Variants in WNK2 observed in about 807,000 individuals in gnomAD.
WNK2 encodes the protein serine/threonine-protein kinase WNK2.
A neutral mutation model predicts 192.1 loss-of-function variants in WNK2; 67 were observed. That is an observed-to-expected ratio of 0.35 (90% confidence interval 0.29 to 0.43). The LOEUF (loss-of-function observed/expected upper bound fraction) is 0.43. Among genes scored for constraint, WNK2 ranks in the 20% least tolerant of loss-of-function variants. The probability of loss-of-function intolerance (pLI) is 1.00; values close to 1 mark genes in which losing one functional copy is unlikely to be tolerated. For synonymous variants in WNK2, 1,439 were observed against 1,393.9 expected (o/e 1.03, Z -0.72); for missense variants, 2,698 against 3,089.7 (o/e 0.87, Z 3.01).
At chr9:93,274,625 C>G (rs1269448589) in intron 19 of WNK2, among the ~76,000 whole-genome samples, 3 of 151,580 alleles carry the variant, frequency 2.0e-5, no homozygotes, top group Non-Finnish European at 1.5e-5. Context: ...CTGCAATAGT[C>G]TGAACAAGCT....
In WNK2 at chr9:93,195,859, G is replaced by A. The variant is rs114225665; in HGVS notation, c.681+10249G>A. ...ATACAGCTGCAGTTCAGGGTGTCAC[G>A]ACTTCTAGAATCTGTCTCTGGAGTG... On this transcript the variant is annotated intron_variant, in intron 2 of 29. Coordinates refer to ENST00000427277, the MANE Select transcript of WNK2 (RefSeq NM_006648.4). Among the ~76,000 whole-genome samples the A allele has an allele frequency of 7.4e-3, 1,132 of 152,162 alleles. 16 individuals carry two copies. The highest frequency in any genetic ancestry group is 0.025 in the African/African-American group (1,041 of 41,496).
intron 29 of WNK2, chr9:93,318,630 C>G: frequency 6.3e-7 from 1 of 1,582,772 alleles, no homozygotes; most frequent in Non-Finnish European, 8.6e-7. Flanking sequence ...GCAGCTCCTC[C>G]AGCTGGAGAG....
intron 28 of WNK2, chr9:93,316,375 G>A (rs1362050143): frequency 6.6e-6 from 1 of 152,154 alleles, no homozygotes; most frequent in African/African-American, 2.4e-5. Context: ...ATCTGGGTGA[G>A]GTTTGACATA....
chr9:93,282,060 A>G (rs894854141), intron 19 of WNK2, among the ~76,000 whole-genome samples: 1 of 152,228 alleles, frequency 6.6e-6, no homozygotes, highest in African/African-American at 2.4e-5. Context: ...TTATAAATGT[A>G]TGAGTAGATC....
intron 6 of WNK2, 94 bp downstream of exon 6, chr9:93,238,415 C>A: frequency 1.6e-6 from 2 of 1,240,226 alleles, no homozygotes; most frequent in Non-Finnish European, 2.3e-6. Context: ...GAGGGGACTT[C>A]AAGACAGGCA....
At chr9:93,200,118 G>T (rs574820914) in intron 2 of WNK2, among the ~76,000 whole-genome samples, 1 of 152,084 alleles carries the variant, frequency 6.6e-6, no homozygotes, top group African/African-American at 2.4e-5. Context: ...TGCACACCAT[G>T]GGGGGTTGCA....
intron 19 of WNK2, among the ~76,000 whole-genome samples, chr9:93,278,540 C>T (rs2133509219): frequency 6.6e-6 from 1 of 152,342 alleles, no homozygotes; most frequent in Middle Eastern, 3.4e-3. Flanking sequence ...AAGTGCTTCT[C>T]TTACCTCACC....
intron 19 of WNK2, among the ~76,000 whole-genome samples, chr9:93,276,386 C>T (rs1846881693): frequency 6.6e-6 from 1 of 152,164 alleles, no homozygotes; most frequent in Admixed American, 6.5e-5. Flanking sequence ...CATCCTTATG[C>T]AGAAAAATGA....
chr9:93,307,343 G>C (rs2134243022), intron 27 of WNK2: 1 of 153,410 alleles, frequency 6.5e-6, no homozygotes, highest in East Asian at 1.9e-4. Context: ...TTAATTGTCT[G>C]TGTCTGTGCT....
At chr9:93,296,634 T>TC in intron 23 of WNK2, among the ~76,000 whole-genome samples, 1 of 53,328 alleles carries the variant, frequency 1.9e-5, no homozygotes, top group Non-Finnish European at 3.6e-5. Context: ...CTTCCTTCCC[T>TC]TCCATCCTCC....
chr9:93,240,235 G>A (rs977400438), intron 7 of WNK2, among the ~76,000 whole-genome samples: 1 of 152,236 alleles, frequency 6.6e-6, no homozygotes, highest in Non-Finnish European at 1.5e-5. Context: ...CTCCGAGCCA[G>A]TGCAGTGCGG....
chr9:93,298,103 G>T, intron 24 of WNK2, 36 bp downstream of exon 24: 1 of 1,543,742 alleles, frequency 6.5e-7, no homozygotes, highest in South Asian at 1.2e-5. Context: ...ATGGGAGCGG[G>T]GCTGGGGACC....
At chr9:93,238,067 C>G (rs561999965) in intron 5 of WNK2, among the ~76,000 whole-genome samples, 166 bp from the exon 6 acceptor site, 1 of 152,280 alleles carries the variant, frequency 6.6e-6, no homozygotes, top group South Asian at 2.1e-4. Flanking sequence ...TGGCTCTGCC[C>G]TGTCATCCGT....
intron 19 of WNK2, among the ~76,000 whole-genome samples, chr9:93,280,458 A>C (rs772869979): frequency 6.6e-6 from 1 of 152,220 alleles, no homozygotes; most frequent in Non-Finnish European, 1.5e-5. Context: ...ATTTCTTTAA[A>C]AAGTAAATGT....
chr9:93,245,281 G>T (rs2132434588), intron 7 of WNK2, among the ~76,000 whole-genome samples: 1 of 152,272 alleles, frequency 6.6e-6, no homozygotes, highest in East Asian at 1.9e-4. Context: ...GCACTTTCTT[G>T]CATCCGGAAA....
intron 7 of WNK2, among the ~76,000 whole-genome samples, chr9:93,244,986 G>A (rs1451968725): frequency 1.3e-5 from 2 of 152,106 alleles, no homozygotes; most frequent in East Asian, 3.9e-4. Flanking sequence ...CCCACTGACT[G>A]AGCCGTAAGC....
chr9:93,297,663 G>A (rs1034298886), intron 23 of WNK2, among the ~76,000 whole-genome samples, 190 bp from the exon 24 acceptor site: 2 of 152,216 alleles, frequency 1.3e-5, no homozygotes, highest in South Asian at 2.1e-4. Flanking sequence ...GGACCTCCCC[G>A]TTTAGATATG....
chr9:93,319,204 G>A (rs201504435), intron 29 of WNK2: 15 of 1,612,332 alleles, frequency 9.3e-6, no homozygotes, highest in East Asian at 4.5e-5. Flanking sequence ...ACTTTTGCTC[G>A]AAAACAGTGT....
At chr9:93,318,137 C>G in intron 29 of WNK2, 1 of 1,528,330 alleles carries the variant, frequency 6.5e-7, no homozygotes, top group East Asian at 2.3e-5. Context: ...CCAGCTTTTC[C>G]GTTCCCTGAT....
Sources: gnomAD v4.1 joint callset for allele counts (sites outside exome capture counted in the v4.1 genomes callset) on GRCh38, gnomAD v4.1.1 for gene constraint, MANE v1.5 for transcripts, NCBI Gene and HGNC (gene_info 2026-07-23, HGNC 2026-07-21) for gene names.